Variants in NMNAT2 observed in about 807,000 individuals in gnomAD.
NMNAT2 encodes the protein nicotinamide nucleotide adenylyltransferase 2, also known as nicotinamide/nicotinic acid mononucleotide adenylyltransferase 2.
In NMNAT2, 11 loss-of-function variants were observed where a neutral mutation model predicts 41.6. The observed-to-expected ratio is 0.26, with a 90% CI of 0.17 to 0.44. The LOEUF is 0.44. Ranked by LOEUF, NMNAT2 falls within the 20% of genes least tolerant of loss-of-function variation. The probability of loss-of-function intolerance (pLI) is 1.00; values close to 1 mark genes in which losing one functional copy is unlikely to be tolerated. For missense variants in NMNAT2, 288 were observed against 407.7 expected (o/e 0.71, Z 2.53); for synonymous variants, 148 against 151.2 (o/e 0.98, Z 0.16).
rs551690597 is a variant in NMNAT2 at position 183,326,403 on chromosome 1, A to G, written c.86-32610T>C. Among the ~76,000 whole-genome samples, 376 of 130,882 alleles carry G rather than the reference A, an allele frequency of 2.9e-3. 1 individual carries two copies. Among genetic ancestry groups the G allele is most frequent in the Non-Finnish European group, 4.7e-3 (291 of 61,268 alleles). 85.9% of individuals were successfully genotyped at this position (130,882 alleles called of 152,430 possible). On this transcript the variant is annotated intron_variant, in intron 1 of 10. Transcript: ENST00000287713. ...AAAAAAAAAAAAAAAAAAAAAAAAG[A>G]CAGGGGAAGAGAACTATTTAGATAT...
At chr1:183,331,367 C>G (rs982946156) in intron 1 of NMNAT2, among the ~76,000 whole-genome samples, 2 of 151,990 alleles carry the variant, frequency 1.3e-5, no homozygotes, top group African/African-American at 2.4e-5. Flanking sequence ...CGAGGCGAGG[C>G]GTGAAGGAGA....
chr1:183,257,038 C>A (rs1309893687), intron 10 of NMNAT2, among the ~76,000 whole-genome samples: 1 of 152,130 alleles, frequency 6.6e-6, no homozygotes, highest in Non-Finnish European at 1.5e-5. Flanking sequence ...AGGCATGAGC[C>A]ACTGTGCCTG....
At chr1:183,349,872 T>C (rs907927979) in intron 1 of NMNAT2, among the ~76,000 whole-genome samples, 1 of 152,122 alleles carries the variant, frequency 6.6e-6, no homozygotes, top group Admixed American at 6.5e-5. Flanking sequence ...CCCACCCCTC[T>C]GAGAAGGAAA....
chr1:183,293,051 A>G (rs780062501), intron 2 of NMNAT2, among the ~76,000 whole-genome samples, 194 bp from the exon 3 acceptor site: 3 of 152,240 alleles, frequency 2.0e-5, no homozygotes, highest in Non-Finnish European at 2.9e-5. Flanking sequence ...GGAAACAAAT[A>G]AAGGGTGTGT....
At chr1:183,406,180 ATGAAT>A (rs762882467) in intron 1 of NMNAT2, among the ~76,000 whole-genome samples, 1 of 152,222 alleles carries the variant, frequency 6.6e-6, no homozygotes, top group East Asian at 1.9e-4. Flanking sequence ...ATGCAGTATC[ATGAAT>A]TGAATTGAAT....
intron 3 of NMNAT2, among the ~76,000 whole-genome samples, 164 bp downstream of exon 3, chr1:183,292,626 G>A (rs1039186711): frequency 2.0e-5 from 3 of 152,128 alleles, no homozygotes; most frequent in African/African-American, 7.2e-5. Flanking sequence ...TAAAGTTATA[G>A]GTATCCCTGG....
chr1:183,351,723 T>G (rs1663050424), intron 1 of NMNAT2, among the ~76,000 whole-genome samples: 1 of 152,154 alleles, frequency 6.6e-6, no homozygotes, highest in Non-Finnish European at 1.5e-5. Flanking sequence ...GATATGGCAT[T>G]GGGAATTCTT....
rs57832047 is a variant in NMNAT2, at chr1:183,277,206, A to T, written c.651+1347T>A. On this transcript the variant is annotated intron_variant, in intron 8 of 10. Coordinates refer to ENST00000287713, the MANE Select transcript of NMNAT2 (RefSeq NM_015039.4). The stretch of plus-strand genomic sequence containing the variant: ...AGCTTAGAATATATTTTGTTGGAAG[A>T]GAATAGTGCCTCACGCCTGTAATCC... 2.8e-3 allele frequency among the ~76,000 whole-genome samples: 422 copies of T among 152,234 alleles called. 2 individuals are homozygous for T. The highest frequency in any genetic ancestry group is 9.8e-3 in the African/African-American group (409 of 41,546).
chr1:183,388,293 G>GA (rs150652301), intron 1 of NMNAT2, among the ~76,000 whole-genome samples: 11,178 of 152,196 alleles, frequency 0.073, 487 homozygotes, highest in Admixed American at 0.1. Context: ...TTTATTTGGG[G>GA]AAAAAAAGGT....
intron 1 of NMNAT2, among the ~76,000 whole-genome samples, chr1:183,357,451 T>C (rs182312483): frequency 1.8e-4 from 27 of 151,788 alleles, no homozygotes; most frequent in Non-Finnish European, 3.7e-4. Context: ...GGATGGTCTC[T>C]ATCTCCTGAC....
intron 1 of NMNAT2, among the ~76,000 whole-genome samples, chr1:183,376,963 A>G (rs1053803660): frequency 1.3e-5 from 2 of 152,124 alleles, no homozygotes; most frequent in Non-Finnish European, 2.9e-5. Context: ...AAGGGCTTCC[A>G]GGGAAGATCA....
At chr1:183,394,428 T>C (rs964401994) in intron 1 of NMNAT2, among the ~76,000 whole-genome samples, 1 of 152,204 alleles carries the variant, frequency 6.6e-6, no homozygotes, top group Non-Finnish European at 1.5e-5. Context: ...GAGCACCTTG[T>C]CATCGAAAGT....
intron 1 of NMNAT2, among the ~76,000 whole-genome samples, chr1:183,296,806 A>ACCCAGCC (rs962757814): frequency 6.6e-6 from 1 of 151,960 alleles, no homozygotes; most frequent in Non-Finnish European, 1.5e-5. Context: ...GAGCCACCGC[A>ACCCAGCC]CCCAGCCCCA....
intron 1 of NMNAT2, among the ~76,000 whole-genome samples, chr1:183,327,440 TG>T (rs1458178396): frequency 6.6e-6 from 1 of 152,196 alleles, no homozygotes; most frequent in African/African-American, 2.4e-5. Flanking sequence ...TATGAAGATG[TG>T]TTGGCTCAAG....
At chr1:183,291,168 C>T (rs1307062798) in intron 3 of NMNAT2, among the ~76,000 whole-genome samples, 5 of 152,158 alleles carry the variant, frequency 3.3e-5, no homozygotes, top group African/African-American at 9.7e-5. Flanking sequence ...CCGCCCACTT[C>T]GGCCTCCCAA....
intron 1 of NMNAT2, among the ~76,000 whole-genome samples, chr1:183,296,364 C>G (rs1472345261): frequency 6.6e-6 from 1 of 152,144 alleles, no homozygotes; most frequent in Admixed American, 6.5e-5. Flanking sequence ...TTATGTTTAG[C>G]TTTTTAAGAG....
At chr1:183,311,816 C>T (rs780337656) in intron 1 of NMNAT2, among the ~76,000 whole-genome samples, 4 of 151,564 alleles carry the variant, frequency 2.6e-5, no homozygotes, top group Non-Finnish European at 5.9e-5. Flanking sequence ...TTGGCTGTGT[C>T]CCCACTCAAA....
intron 3 of NMNAT2, among the ~76,000 whole-genome samples, chr1:183,290,421 G>A (rs1012944222): frequency 1.3e-5 from 2 of 152,178 alleles, no homozygotes; most frequent in African/African-American, 4.8e-5. Context: ...CTTATGAGAA[G>A]AGATGCTGGT....
At chr1:183,307,020 A>G (rs1034665674) in intron 1 of NMNAT2, among the ~76,000 whole-genome samples, 4 of 152,140 alleles carry the variant, frequency 2.6e-5, no homozygotes, top group African/African-American at 9.7e-5. Context: ...TGGGGAGGAA[A>G]GTAGAGGGGG....
Sources: gnomAD v4.1 joint callset for allele counts (sites outside exome capture counted in the v4.1 genomes callset) on GRCh38, gnomAD v4.1.1 for gene constraint, MANE v1.5 for transcripts, NCBI Gene and HGNC (gene_info 2026-07-23, HGNC 2026-07-21) for gene names.